Variants in CORO2B observed in about 807,000 individuals in gnomAD.
CORO2B encodes the protein coronin 2B.
CORO2B carries 26 observed loss-of-function variants against 58.8 expected under a neutral mutation model. The observed-to-expected ratio is 0.44, with a 90% CI of 0.32 to 0.61. The LOEUF (loss-of-function observed/expected upper bound fraction) is 0.61, where lower values mean the gene tolerates loss of function less well. Among genes scored for constraint, CORO2B ranks in the 20% least tolerant of loss-of-function variants. The pLI is 0.04. For missense variants in CORO2B, 460 were observed against 645.1 expected (o/e 0.71, Z 3.11); for synonymous variants, 242 against 253.8 (o/e 0.95, Z 0.44).
intron 1 of CORO2B, among the ~76,000 whole-genome samples, chr15:68,640,470 A>G (rs1901175647): frequency 6.6e-6 from 1 of 151,842 alleles, no homozygotes. Context: ...TTATAAGATG[A>G]CTGACAACTG....
At chr15:68,567,217 C>A in the CORO2B span, among the ~76,000 whole-genome samples, 1 of 152,210 alleles carries the variant, frequency 6.6e-6, no homozygotes, top group African/African-American at 2.4e-5. Flanking sequence ...TCTAGAAACC[C>A]TGCTGACAAC....
intron 1 of CORO2B, among the ~76,000 whole-genome samples, chr15:68,638,750 A>G (rs548880533): frequency 4.6e-5 from 7 of 152,234 alleles, no homozygotes; most frequent in Non-Finnish European, 4.4e-5. Context: ...TAACTCCTCC[A>G]TGAGCCACAC....
intron 2 of CORO2B, among the ~76,000 whole-genome samples, chr15:68,671,593 C>G (rs528857684): frequency 2.6e-5 from 4 of 152,352 alleles, no homozygotes; most frequent in African/African-American, 9.6e-5. Context: ...GCCAGGGCTG[C>G]AGTCATCTGA....
chr15:68,554,019 T>C, the CORO2B span, among the ~76,000 whole-genome samples: 4 of 152,132 alleles, frequency 2.6e-5, no homozygotes, highest in Admixed American at 2.6e-4. Flanking sequence ...GGAGACCATG[T>C]TGGAGGCTGA....
At chr15:68,624,012 G>A (rs1025303410) in intron 1 of CORO2B, among the ~76,000 whole-genome samples, 2 of 152,154 alleles carry the variant, frequency 1.3e-5, no homozygotes, top group Non-Finnish European at 2.9e-5. Flanking sequence ...CCTAGAGACT[G>A]GGTGATGGAA....
At chr15:68,561,458 C>T in the CORO2B span, among the ~76,000 whole-genome samples, 35 of 152,306 alleles carry the variant, frequency 2.3e-4, no homozygotes, top group East Asian at 5.4e-3. Flanking sequence ...CTCCCAGCGC[C>T]TTCCCCTTCC....
intron 2 of CORO2B, among the ~76,000 whole-genome samples, chr15:68,668,324 G>T (rs1024589707): frequency 6.6e-6 from 1 of 152,098 alleles, no homozygotes; most frequent in Non-Finnish European, 1.5e-5. Context: ...GGATCATGCA[G>T]ACAACACAGA....
the CORO2B span, among the ~76,000 whole-genome samples, chr15:68,572,085 G>A: frequency 6.6e-6 from 1 of 152,180 alleles, no homozygotes; most frequent in South Asian, 2.1e-4. Flanking sequence ...AAGGGGCTGT[G>A]GGCTGTCAGT....
At chr15:68,613,147 A>G (rs887378098) in intron 1 of CORO2B, among the ~76,000 whole-genome samples, 1 of 152,234 alleles carries the variant, frequency 6.6e-6, no homozygotes, top group Non-Finnish European at 1.5e-5. Flanking sequence ...CATCCAGCTT[A>G]CACCCAGTTG....
chr15:68,520,150 T>C, the CORO2B span, among the ~76,000 whole-genome samples: 5 of 152,250 alleles, frequency 3.3e-5, no homozygotes, highest in African/African-American at 1.2e-4. Flanking sequence ...GAATCATTTC[T>C]GCCATTTGAA....
At chr15:68,555,123 T>G in the CORO2B span, among the ~76,000 whole-genome samples, 3 of 152,274 alleles carry the variant, frequency 2.0e-5, no homozygotes, top group African/African-American at 7.2e-5. Context: ...AGGGTCCCGC[T>G]GGGTGACGTC....
rs1263999141 is a variant in CORO2B at position 68,632,217 on chromosome 15, G to A, written c.16-12943G>A. The A allele has an allele frequency of 6.1e-6, 6 of 985,392 alleles. No individual in the cohort carries two copies. In the South Asian group the frequency reaches 1.4e-4, roughly 23 times the overall value. The allele number at this position is 985,392 out of a possible 1,614,324, so 61.0% of individuals were successfully genotyped here. A position where few individuals can be genotyped will look rare whatever the true frequency, so the allele number is the denominator to read the frequency against. ...CTCCTTGGGCGCTATTCATCCACAC[G>A]GCCCATCTGTGCAGGGTACAGCCTT... is the stretch of plus-strand genomic sequence containing the variant. On this transcript the variant is annotated intron_variant, in intron 1 of 11. Transcript: ENST00000261861.
At chr15:68,618,176 A>G (rs931690158) in intron 1 of CORO2B, among the ~76,000 whole-genome samples, 1 of 152,174 alleles carries the variant, frequency 6.6e-6, no homozygotes, top group Non-Finnish European at 1.5e-5. Context: ...TACAAAACAA[A>G]ACCAAAGGTC....
chr15:68,616,665 A>G, intron 1 of CORO2B: 3 of 964,498 alleles, frequency 3.1e-6, no homozygotes, highest in Non-Finnish European at 3.7e-6. Context: ...AGGCAATCCC[A>G]TGTCATCTGC....
At chr15:68,689,081 G>T (rs937206717) in intron 2 of CORO2B, among the ~76,000 whole-genome samples, 1 of 150,430 alleles carries the variant, frequency 6.6e-6, no homozygotes, top group Non-Finnish European at 1.5e-5. Flanking sequence ...GTACACAACA[G>T]CTGCGATTCA....
At chr15:68,563,165 G>A in the CORO2B span, among the ~76,000 whole-genome samples, 6 of 151,610 alleles carry the variant, frequency 4.0e-5, no homozygotes, top group East Asian at 1.2e-3. Context: ...TAAACCCAAA[G>A]CAAGCAGAGG....
chr15:68,545,874 G>A, the CORO2B span, among the ~76,000 whole-genome samples: 7 of 152,172 alleles, frequency 4.6e-5, no homozygotes, highest in Admixed American at 6.5e-5. Context: ...GGAAAGCAGC[G>A]GATAGCTGTG....
At chr15:68,684,579 G>C (rs1289712080) in intron 2 of CORO2B, among the ~76,000 whole-genome samples, 1 of 152,242 alleles carries the variant, frequency 6.6e-6, no homozygotes, top group Non-Finnish European at 1.5e-5. Context: ...CCCTGCAGTG[G>C]AGCAGGCAGC....
At chr15:68,591,961 C>T (rs1337497616) in intron 1 of CORO2B, among the ~76,000 whole-genome samples, 7 of 152,178 alleles carry the variant, frequency 4.6e-5, no homozygotes, top group Non-Finnish European at 1.5e-5. Context: ...TCACTTCCTC[C>T]TCTGGTTGGG....
Sources: gnomAD v4.1 joint callset for allele counts (sites outside exome capture counted in the v4.1 genomes callset) on GRCh38, gnomAD v4.1.1 for gene constraint, MANE v1.5 for transcripts, NCBI Gene and HGNC (gene_info 2026-07-23, HGNC 2026-07-21) for gene names.